The following MSRA variants were observed in gnomAD, a reference collection of about 807,000 sequenced individuals.
MSRA encodes mitochondrial peptide methionine sulfoxide reductase.
MSRA carries 54 observed loss-of-function variants against 31.3 expected under a neutral mutation model. That is an observed-to-expected ratio of 1.73 (90% CI 1.39 to 2.17). The LOEUF (loss-of-function observed/expected upper bound fraction) is 2.17, where lower values mean the gene tolerates loss of function less well. Ranked by LOEUF, MSRA falls within the 30% of genes most tolerant of loss-of-function variation. The probability of loss-of-function intolerance (pLI) is 0.00; values close to 1 mark genes in which losing one functional copy is unlikely to be tolerated. For synonymous variants in MSRA, 169 were observed against 116.5 expected (o/e 1.45, Z -2.90); for missense variants, 507 against 300.9 (o/e 1.69, Z -5.07).
intron 2 of MSRA, among the ~76,000 whole-genome samples, chr8:10,215,985 C>T (rs1809952857): frequency 6.6e-6 from 1 of 152,058 alleles, no homozygotes; most frequent in South Asian, 2.1e-4. Flanking sequence ...TGTTAATTAA[C>T]TTTTTTAAGA....
At chr8:10,135,317 T>G (rs1203462108) in intron 1 of MSRA, among the ~76,000 whole-genome samples, 1 of 152,232 alleles carries the variant, frequency 6.6e-6, no homozygotes, top group Non-Finnish European at 1.5e-5. Context: ...CGTTGAAACC[T>G]AAATCTCTAA....
At chr8:10,362,418 C>A (rs1804902126) in intron 5 of MSRA, among the ~76,000 whole-genome samples, 2 of 140,450 alleles carry the variant, frequency 1.4e-5, no homozygotes. Context: ...AATTTAACTA[C>A]AGCCACTAAA....
chr8:10,255,270 G>A (rs745529476), intron 3 of MSRA, among the ~76,000 whole-genome samples: 20 of 152,304 alleles, frequency 1.3e-4, no homozygotes, highest in Admixed American at 6.5e-4. Context: ...ATGGAAACTC[G>A]CAGGATTATT....
intron 5 of MSRA, among the ~76,000 whole-genome samples, chr8:10,370,150 C>G (rs1334490985): frequency 6.6e-6 from 1 of 152,200 alleles, no homozygotes; most frequent in African/African-American, 2.4e-5. Context: ...ATGTCATTTT[C>G]ATTCCCTCAA....
At chr8:10,295,112 G>A (rs1800462134) in intron 3 of MSRA, among the ~76,000 whole-genome samples, 1 of 152,114 alleles carries the variant, frequency 6.6e-6, no homozygotes, top group South Asian at 2.1e-4. Flanking sequence ...TCTCTAAACT[G>A]CCTTTAAGCT....
chr8:10,056,427 A>G (rs894130887), intron 1 of MSRA, among the ~76,000 whole-genome samples: 15 of 152,162 alleles, frequency 9.9e-5, no homozygotes, highest in African/African-American at 2.7e-4. Context: ...TTTAACTGCA[A>G]AACCTCAGGA....
Position 10,353,709 on chromosome 8 carries a change from C to T in MSRA, c.543+33720C>T, listed in dbSNP as rs1228141267. On this transcript the variant is annotated intron_variant, in intron 5 of 5. Coordinates refer to ENST00000317173, the MANE Select transcript of MSRA (RefSeq NM_012331.5). ...GGGACTCTCCTTGTCTGTCCCTGTA[C>T]CTGCCCACTGCCACCTGTCTACGTC... 5.5e-5 allele frequency: 25 copies of T among 453,928 alleles called. No homozygotes were observed. The Admixed American group carries it at 5.9e-4, about 11-fold the overall frequency. 28.1% of individuals were successfully genotyped at this position (453,928 alleles called of 1,614,324 possible). A position where few individuals can be genotyped will look rare whatever the true frequency, so the allele number is the denominator to read the frequency against.
chr8:10,295,698 T>C (rs1273516056), intron 3 of MSRA, among the ~76,000 whole-genome samples: 2 of 152,348 alleles, frequency 1.3e-5, no homozygotes, highest in East Asian at 3.9e-4. Flanking sequence ...TGTCCCAGCC[T>C]GTGGTCACTT....
At chr8:10,124,879 A>G (rs576647549) in intron 1 of MSRA, among the ~76,000 whole-genome samples, 3 of 152,330 alleles carry the variant, frequency 2.0e-5, no homozygotes, top group East Asian at 1.9e-4. Context: ...AAATAAAGCT[A>G]TTGGTTTATG....
chr8:10,183,731 G>A (rs982736040), intron 1 of MSRA, among the ~76,000 whole-genome samples: 17 of 150,914 alleles, frequency 1.1e-4, no homozygotes, highest in African/African-American at 3.9e-4. Flanking sequence ...TTTTCTCTGC[G>A]AGCTAAAGAG....
intron 5 of MSRA, among the ~76,000 whole-genome samples, chr8:10,380,224 A>G (rs1346118995): frequency 1.3e-5 from 2 of 151,734 alleles, no homozygotes; most frequent in African/African-American, 2.4e-5. Context: ...CTAAATGTTT[A>G]TTTCCTTTTT....
chr8:10,220,676 T>G (rs1166530109), intron 2 of MSRA, among the ~76,000 whole-genome samples: 1 of 152,226 alleles, frequency 6.6e-6, no homozygotes, highest in Non-Finnish European at 1.5e-5. Context: ...TGGAGCTGTT[T>G]CTAGTGGGAG....
At chr8:10,343,420 C>T (rs1803567719) in intron 5 of MSRA, among the ~76,000 whole-genome samples, 1 of 152,170 alleles carries the variant, frequency 6.6e-6, no homozygotes, top group Non-Finnish European at 1.5e-5. Flanking sequence ...AGTAGTATTG[C>T]AGTTGAATAA....
intron 5 of MSRA, among the ~76,000 whole-genome samples, chr8:10,424,690 G>A (rs1483723345): frequency 2.0e-5 from 3 of 152,004 alleles, no homozygotes; most frequent in Middle Eastern, 3.2e-3. Context: ...GGGTTGGATC[G>A]GAGAGAAAGG....
At chr8:10,319,839 T>C in intron 4 of MSRA, 44 bp from the exon 5 acceptor site, 1 of 1,249,838 alleles carries the variant, frequency 8.0e-7, no homozygotes, top group Non-Finnish European at 1.1e-6. Flanking sequence ...ACTGGCACTG[T>C]CGCCTAGTGA....
chr8:10,284,409 G>T (rs1431663216), intron 3 of MSRA, among the ~76,000 whole-genome samples: 2 of 152,130 alleles, frequency 1.3e-5, no homozygotes, highest in East Asian at 3.9e-4. Context: ...AGCCAGGCTG[G>T]ACTCAAACTC....
At position 10,399,101 on chromosome 8, in the gene MSRA, A is replaced by G. The variant is rs77977569; in HGVS notation, c.544-29047A>G. Among the ~76,000 whole-genome samples the G allele has an allele frequency of 2.6e-4, 40 of 152,370 alleles. No homozygotes were observed. In the East Asian group the frequency reaches 7.3e-3, roughly 28 times the overall value. ...AACCATGGAATTTTCCAAAGGCTGC[A>G]AAACTTTAAAGATGGAACTTGAAGT... On this transcript the variant is annotated intron_variant, in intron 5 of 5. Transcript: ENST00000317173.
intron 1 of MSRA, among the ~76,000 whole-genome samples, chr8:10,185,739 C>A (rs192535106): frequency 6.6e-6 from 1 of 152,288 alleles, no homozygotes; most frequent in East Asian, 1.9e-4. Context: ...CTGAACTGAC[C>A]ATTCACTCAG....
At chr8:10,151,042 G>T (rs1389290794) in intron 1 of MSRA, among the ~76,000 whole-genome samples, 1 of 151,950 alleles carries the variant, frequency 6.6e-6, no homozygotes, top group Admixed American at 6.6e-5. Context: ...ATGAGGCATG[G>T]TGATAATTCA....
Sources: gnomAD v4.1 joint callset for allele counts (sites outside exome capture counted in the v4.1 genomes callset) on GRCh38, gnomAD v4.1.1 for gene constraint, MANE v1.5 for transcripts, NCBI Gene and HGNC (gene_info 2026-07-23, HGNC 2026-07-21) for gene names.